The following C3orf70 variants were observed in gnomAD, a reference collection of about 807,000 sequenced individuals.
C3orf70 encodes chromosome 3 open reading frame 70, also known as UPF0524 protein C3orf70.
Under a neutral mutation model 20.7 loss-of-function variants are expected in C3orf70, and 15 were observed. The observed-to-expected ratio is 0.72, with a 90% CI of 0.48 to 1.11. The LOEUF (loss-of-function observed/expected upper bound fraction) is 1.11, where lower values mean the gene tolerates loss of function less well. C3orf70 is among the 50% of genes most tolerant of loss of function. C3orf70 has a pLI of 0.00. For missense variants in C3orf70, 332 were observed against 317.6 expected, an observed-to-expected ratio of 1.05 and a Z score of -0.34; for synonymous variants, 161 against 125.7, an observed-to-expected ratio of 1.28 and a Z score of -1.88.
At chr3:185,141,374 C>T (rs1167557639) in intron 1 of C3orf70, among the ~76,000 whole-genome samples, 1 of 150,206 alleles carries the variant, frequency 6.7e-6, no homozygotes, top group African/African-American at 2.4e-5. Flanking sequence ...AAAAACGAAA[C>T]ATGTAACTAC....
rs571581654 is a variant in C3orf70 at position 185,102,483 on chromosome 3, C to G, written c.197-18920G>C. On this transcript the variant is annotated intron_variant, in intron 1 of 1. Transcript: ENST00000335012. ...CAGTTTCATTAAAATGGCCATACTG[C>G]CCAAAGCAATTTATAGATTCAATGC... is the stretch of plus-strand genomic sequence containing the variant. 2.6e-5 allele frequency among the ~76,000 whole-genome samples: 4 copies of G among 152,306 alleles called. No homozygotes were observed. The South Asian group carries it at 6.2e-4, about 24-fold the overall frequency.
rs1410114529 is a variant in C3orf70 at position 185,152,683 on chromosome 3, G to A, written c.141C>T (p.His47=). The A allele has an allele frequency of 6.3e-7, 1 of 1,594,358 alleles. No individual in the cohort carries two copies. Among genetic ancestry groups the A allele is most frequent in the East Asian group, 2.4e-5 (1 of 42,476 alleles). Residue 47 remains histidine, a synonymous_variant, in exon 1 of 2, where the codon CAC becomes CAT. Transcript: ENST00000335012. The stretch of plus-strand genomic sequence containing the variant: ...GCAGCTTGAAGCACTTGCCATGGCT[G>A]TGCGTGGCACAGATAGACAGCCCGT... The part of the protein sequence containing the change: ...PCDGLSICAT[H]SHGKCFKLHW...
rs147648424 is a variant in C3orf70 at position 185,098,822 on chromosome 3, A to G, written c.197-15259T>C. 3.1e-4 allele frequency among the ~76,000 whole-genome samples: 47 copies of G among 152,280 alleles called. No homozygotes were observed. In the East Asian group the frequency reaches 7.5e-3, roughly 24 times the overall value. ...GGGTGGGCCCCATCCAAACAGTTGAAGGCCTGAATAGAACAGAAATACCAG... is the reference window on the plus strand; with the variant it reads ...GGGTGGGCCCCATCCAAACAGTTGAGGGCCTGAATAGAACAGAAATACCAG... On this transcript the variant is annotated intron_variant, in intron 1 of 1. Coordinates refer to ENST00000335012, the MANE Select transcript of C3orf70 (RefSeq NM_001025266.3).
At chr3:185,151,263 GAC>G (rs1220340968) in intron 1 of C3orf70, among the ~76,000 whole-genome samples, 1 of 152,178 alleles carries the variant, frequency 6.6e-6, no homozygotes, top group African/African-American at 2.4e-5. Context: ...GTCAAAATAA[GAC>G]AGACAGTAAC....
At position 185,141,837 on chromosome 3, in the gene C3orf70, T is replaced by C. The variant is rs973030725; in HGVS notation, c.196+10791A>G. Among the ~76,000 whole-genome samples the C allele has an allele frequency of 1.5e-4, 19 of 126,192 alleles. 1 individual carries two copies. The highest frequency in any genetic ancestry group is 5.0e-4 in the South Asian group (2 of 4,034). 82.8% of individuals were successfully genotyped at this position (126,192 alleles called of 152,430 possible). A position where few individuals can be genotyped will look rare whatever the true frequency, so the allele number is the denominator to read the frequency against. Reference sequence around the variant, plus strand: ...ACACACACACACACACACACACACATTTCCTAAATTTGTCCACTGAAAAGT... The same window carrying C: ...ACACACACACACACACACACACACACTTCCTAAATTTGTCCACTGAAAAGT... On this transcript the variant is annotated intron_variant, in intron 1 of 1. Coordinates refer to ENST00000335012, the MANE Select transcript of C3orf70 (RefSeq NM_001025266.3).
chr3:185,085,478 G>T (rs1396825073), intron 1 of C3orf70, among the ~76,000 whole-genome samples: 1 of 151,964 alleles, frequency 6.6e-6, no homozygotes, highest in Non-Finnish European at 1.5e-5. Context: ...TCATCCTGGG[G>T]TACCATATGA....
intron 1 of C3orf70, among the ~76,000 whole-genome samples, chr3:185,088,927 C>T (rs985547184): frequency 2.0e-5 from 3 of 152,130 alleles, no homozygotes; most frequent in African/African-American, 7.2e-5. Context: ...ATTGAAGATA[C>T]TGGGATGAAA....
At chr3:185,099,258 C>A (rs192586344) in intron 1 of C3orf70, among the ~76,000 whole-genome samples, 1 of 152,220 alleles carries the variant, frequency 6.6e-6, no homozygotes, top group Admixed American at 6.6e-5. Flanking sequence ...AGAGGATCAT[C>A]CCCAACACAC....
intron 1 of C3orf70, among the ~76,000 whole-genome samples, chr3:185,096,519 A>AT (rs1055982351): frequency 1.3e-5 from 2 of 152,092 alleles, no homozygotes; most frequent in African/African-American, 4.8e-5. Context: ...TGAGCTCCAA[A>AT]TTTTGCCTTC....
chr3:185,091,147 G>A (rs577468934), intron 1 of C3orf70, among the ~76,000 whole-genome samples: 5 of 152,208 alleles, frequency 3.3e-5, no homozygotes, highest in African/African-American at 1.2e-4. Flanking sequence ...AGTAAAACAA[G>A]AGTTGAATAA....
chr3:185,152,511 A>G, intron 1 of C3orf70, 117 bp downstream of exon 1: 3 of 860,344 alleles, frequency 3.5e-6, no homozygotes, highest in South Asian at 3.0e-5. Flanking sequence ...CCTCCGGCAG[A>G]GCAGCCCCGG....
At position 185,152,806 on chromosome 3, in the gene C3orf70, C is replaced by T. The variant is rs753843551; in HGVS notation, c.18G>A (p.Ser6=). The T allele has an allele frequency of 6.4e-7, 1 of 1,562,134 alleles. No homozygotes were observed. Residue 6 remains serine (S), a synonymous_variant, in exon 1 of 2, where the codon TCG becomes TCA. Coordinates refer to ENST00000335012, the MANE Select transcript of C3orf70 (RefSeq NM_001025266.3). ...TCTTCCAACCCCGCTCCGACGCCGG[C>T]GAGGCCGCCGCACTCATTTCCTCTC... MSAAA[S]PASERGWKSE...
chr3:185,099,923 T>G (rs940414543), intron 1 of C3orf70, among the ~76,000 whole-genome samples: 1 of 152,172 alleles, frequency 6.6e-6, no homozygotes, highest in African/African-American at 2.4e-5. Context: ...TAATTTCACA[T>G]AAAACACCCT....
At chr3:185,140,340 G>T (rs992345206) in intron 1 of C3orf70, among the ~76,000 whole-genome samples, 2 of 152,094 alleles carry the variant, frequency 1.3e-5, no homozygotes, top group Admixed American at 6.6e-5. Flanking sequence ...CAAAAGTCTA[G>T]TATCTACAAT....
chr3:185,138,894 G>A (rs950743709), intron 1 of C3orf70, among the ~76,000 whole-genome samples: 48 of 152,186 alleles, frequency 3.2e-4, no homozygotes, highest in African/African-American at 1.2e-3. Context: ...GAGCCCAGAA[G>A]TTTGAGACCA....
intron 1 of C3orf70, among the ~76,000 whole-genome samples, chr3:185,126,617 T>C (rs935192345): frequency 3.3e-5 from 5 of 152,212 alleles, no homozygotes; most frequent in Non-Finnish European, 7.4e-5. Context: ...ATTCGTCTTA[T>C]CATAAACCCA....
At position 185,082,817 on chromosome 3, in the gene C3orf70, T is replaced by C. The variant is rs1293432371; in HGVS notation, c.*190A>G. Reference sequence around the variant, plus strand: ...AGTCAGGATACAAAAGAAAACTGTTTATAATAAAAAGAATGTCTTAGTTGT... The same window carrying C: ...AGTCAGGATACAAAAGAAAACTGTTCATAATAAAAAGAATGTCTTAGTTGT... On this transcript the variant is annotated 3_prime_UTR_variant, in exon 2 of 2. Transcript: ENST00000335012. 8 of 593,154 alleles carry C rather than the reference T, an allele frequency of 1.3e-5. No individual in the cohort carries two copies. The highest frequency in any genetic ancestry group is 1.9e-5 in the African/African-American group (1 of 53,874). 36.7% of individuals were successfully genotyped at this position (593,154 alleles called of 1,614,324 possible).
At chr3:185,107,536 G>A (rs552645074) in intron 1 of C3orf70, among the ~76,000 whole-genome samples, 1 of 152,172 alleles carries the variant, frequency 6.6e-6, no homozygotes, top group Admixed American at 6.5e-5. Flanking sequence ...CCATTGTTAA[G>A]CCTCCAGAAC....
At chr3:185,140,687 G>T (rs376947545) in intron 1 of C3orf70, among the ~76,000 whole-genome samples, 2 of 150,988 alleles carry the variant, frequency 1.3e-5, no homozygotes, top group East Asian at 3.9e-4. Context: ...GGTGGCTCAC[G>T]CCTGGAATCC....
Sources: gnomAD v4.1 joint callset for allele counts (sites outside exome capture counted in the v4.1 genomes callset) on GRCh38, gnomAD v4.1.1 for gene constraint, MANE v1.5 for transcripts, NCBI Gene and HGNC (gene_info 2026-07-23, HGNC 2026-07-21) for gene names.